USP10: variants seen among roughly 807,000 people sequenced by gnomAD.
USP10 encodes the protein ubiquitin carboxyl-terminal hydrolase 10.
USP10 carries 22 observed loss-of-function variants against 84.5 expected under a neutral mutation model. The ratio of observed to expected loss-of-function variants is 0.26; its 90% CI spans 0.19 to 0.37. USP10 has a LOEUF of 0.37. Among genes scored for constraint, USP10 ranks in the 10% least tolerant of loss-of-function variants. The pLI is 1.00. For missense variants in USP10, 1,019 were observed against 998.9 expected, an observed-to-expected ratio of 1.02 and a Z score of -0.27; for synonymous variants, 454 against 387.6, an observed-to-expected ratio of 1.17 and a Z score of -2.01.
At chr16:84,739,081 CAG>C (rs1567616499) in intron 2 of USP10, among the ~76,000 whole-genome samples, 1 of 140,804 alleles carries the variant, frequency 7.1e-6, no homozygotes, top group Non-Finnish European at 1.6e-5. Flanking sequence ...TTTTTTGAGA[CAG>C]AGTCTTGTGC....
intron 1 of USP10, chr16:84,732,970 A>T: frequency 2.4e-6 from 1 of 411,702 alleles, no homozygotes. Flanking sequence ...ATTTTTAAAG[A>T]TCATTAATCA....
intron 11 of USP10, among the ~76,000 whole-genome samples, chr16:84,771,807 G>T (rs1259488842): frequency 1.3e-5 from 2 of 152,168 alleles, no homozygotes; most frequent in Non-Finnish European, 2.9e-5. Context: ...GACGGATGTT[G>T]CAGTGAGCGC....
intron 1 of USP10, among the ~76,000 whole-genome samples, chr16:84,727,693 C>G (rs1304934320): frequency 6.6e-6 from 1 of 152,196 alleles, no homozygotes; most frequent in Non-Finnish European, 1.5e-5. Context: ...CATGGGCTAA[C>G]AAATGCAAAT....
chr16:84,759,849 T>G, intron 6 of USP10, 42 bp from the exon 7 acceptor site: 1 of 1,582,452 alleles, frequency 6.3e-7, no homozygotes, highest in Non-Finnish European at 8.7e-7. Flanking sequence ...AAGTATATAT[T>G]GTTTAAAACT....
In USP10 at chr16:84,761,815, C is replaced by G. The variant is rs899360830; in HGVS notation, c.1555-1174C>G. Among the ~76,000 whole-genome samples the G allele has an allele frequency of 2.0e-5, 3 of 152,396 alleles. No individual in the cohort carries two copies. The East Asian group carries it at 5.8e-4, about 29-fold the overall frequency. On this transcript the variant is annotated intron_variant, in intron 8 of 13. Coordinates refer to ENST00000219473, the MANE Select transcript of USP10 (RefSeq NM_005153.3). The stretch of plus-strand genomic sequence containing the variant: ...TGAAATCCAAATTCCCAGACACCAG[C>G]CAAGGGGCAACCTTGCAAGCAGGCC...
At chr16:84,775,567 G>A (rs1914918629) in intron 13 of USP10, among the ~76,000 whole-genome samples, 1 of 152,208 alleles carries the variant, frequency 6.6e-6, no homozygotes, top group Non-Finnish European at 1.5e-5. Flanking sequence ...GTGCTGTGGA[G>A]TTTCCACGAC....
intron 1 of USP10, among the ~76,000 whole-genome samples, chr16:84,713,806 T>G (rs1337370026): frequency 6.6e-6 from 1 of 152,188 alleles, no homozygotes; most frequent in Non-Finnish European, 1.5e-5. Context: ...AAGATGAGCC[T>G]TTGGAACTGA....
At chr16:84,708,848 T>G (rs1458485242) in intron 1 of USP10, 1 of 152,252 alleles carries the variant, frequency 6.6e-6, no homozygotes, top group East Asian at 1.9e-4. Flanking sequence ...TGAAGGACTT[T>G]ATATCTTTTG....
At chr16:84,717,696 C>G (rs1907227574) in intron 1 of USP10, among the ~76,000 whole-genome samples, 1 of 152,114 alleles carries the variant, frequency 6.6e-6, no homozygotes. Flanking sequence ...TGGATAGTAA[C>G]TGTAGAGTTG....
intron 4 of USP10, among the ~76,000 whole-genome samples, chr16:84,747,969 G>A (rs562413647): frequency 3.2e-4 from 49 of 151,628 alleles, no homozygotes; most frequent in African/African-American, 4.6e-4. Context: ...TGGCTAACAC[G>A]GTGAAACCCC....
At chr16:84,768,739 A>G (rs1024972610) in intron 11 of USP10, among the ~76,000 whole-genome samples, 20 of 152,240 alleles carry the variant, frequency 1.3e-4, no homozygotes, top group African/African-American at 4.8e-4. Flanking sequence ...TGTCAGAGAG[A>G]TTCCAGACAC....
chr16:84,766,738 C>T (rs1913908956), intron 10 of USP10, among the ~76,000 whole-genome samples: 1 of 152,160 alleles, frequency 6.6e-6, no homozygotes, highest in Non-Finnish European at 1.5e-5. Flanking sequence ...CAGCTGCTAG[C>T]CACATCCTCT....
intron 1 of USP10, chr16:84,716,538 A>C (rs545933781): frequency 4.6e-5 from 7 of 152,330 alleles, no homozygotes; most frequent in African/African-American, 1.7e-4. Flanking sequence ...AATTACTATG[A>C]AATATGAACA....
intron 6 of USP10, 179 bp from the exon 7 acceptor site, chr16:84,759,712 A>C: frequency 4.2e-6 from 3 of 714,192 alleles, no homozygotes; most frequent in South Asian, 1.9e-5. Flanking sequence ...AGCATATATC[A>C]CTTGAAATAG....
intron 1 of USP10, among the ~76,000 whole-genome samples, chr16:84,731,310 G>A (rs1236085495): frequency 6.6e-6 from 1 of 150,520 alleles, no homozygotes; most frequent in East Asian, 1.9e-4. Context: ...ACTGCTCGTT[G>A]CAGAGCAGGG....
At chr16:84,711,876 T>A (rs1437983725) in intron 1 of USP10, among the ~76,000 whole-genome samples, 2 of 152,048 alleles carry the variant, frequency 1.3e-5, no homozygotes, top group Non-Finnish European at 2.9e-5. Context: ...CGTGCCACCA[T>A]GGCTGGCTAA....
intron 2 of USP10, among the ~76,000 whole-genome samples, chr16:84,736,022 C>A (rs1052946706): frequency 6.7e-6 from 1 of 149,962 alleles, no homozygotes; most frequent in East Asian, 2.0e-4. Context: ...GTGTGAGTGG[C>A]GAGGGCGTGT....
chr16:84,772,474 G>A, intron 11 of USP10, 67 bp from the exon 12 acceptor site: 1 of 1,599,962 alleles, frequency 6.3e-7, no homozygotes, highest in Non-Finnish European at 8.5e-7. Flanking sequence ...TGAGCGGAAG[G>A]TGGATGTGGT....
chr16:84,704,772 A>C (rs912991801), intron 1 of USP10: 2 of 1,535,234 alleles, frequency 1.3e-6, no homozygotes, highest in Non-Finnish European at 1.7e-6. Context: ...TCATCAGATG[A>C]CTTGAGAACC....
Sources: allele counts gnomAD v4.1 joint callset (sites outside exome capture counted in the v4.1 genomes callset), GRCh38; gene constraint gnomAD v4.1.1; transcripts MANE v1.5; gene names NCBI Gene and HGNC (gene_info 2026-07-23, HGNC 2026-07-21).